The following CDH4 variants were observed in gnomAD, a reference collection of about 807,000 sequenced individuals.
CDH4 encodes the protein cadherin-4.
A neutral mutation model predicts 86.0 loss-of-function variants in CDH4; 33 were observed. The ratio of observed to expected loss-of-function variants is 0.38; its 90% CI spans 0.29 to 0.51. The LOEUF is 0.51. Among genes scored for constraint, CDH4 ranks in the 20% least tolerant of loss-of-function variants. The pLI is 0.86. For synonymous variants in CDH4, 555 were observed against 549.4 expected, an observed-to-expected ratio of 1.01 and a Z score of -0.14; for missense variants, 1,114 against 1,307.4, an observed-to-expected ratio of 0.85 and a Z score of 2.28.
intron 2 of CDH4, among the ~76,000 whole-genome samples, chr20:61,272,041 A>C (rs530398162): frequency 3.9e-5 from 6 of 152,248 alleles, no homozygotes; most frequent in Non-Finnish European, 8.8e-5. Flanking sequence ...TCCTTCTTTC[A>C]CTTAAAATTG....
In CDH4 at chr20:61,315,116, C is replaced by T. The variant is rs150083958; in HGVS notation, c.169+60179C>T. Among the ~76,000 whole-genome samples, 822 of 152,286 alleles carry T rather than the reference C, an allele frequency of 5.4e-3. 6 individuals are homozygous for T. The highest frequency in any genetic ancestry group is 0.019 in the African/African-American group (788 of 41,570). ...GAAGCTCCATGCCAGACTCCTCCTC[C>T]TTGGGCTCAGGTGCATAGGGGCTCA... On this transcript the variant is annotated intron_variant, in intron 2 of 15. Coordinates refer to ENST00000614565, the MANE Select transcript of CDH4 (RefSeq NM_001794.5).
chr20:61,803,950 G>A (rs1045766271), intron 4 of CDH4, among the ~76,000 whole-genome samples: 4 of 152,262 alleles, frequency 2.6e-5, no homozygotes, highest in African/African-American at 9.6e-5. Flanking sequence ...GACGGCGGAG[G>A]TAATGGAAGC....
chr20:61,718,704 C>G (rs1321861045), intron 2 of CDH4: 1 of 427,768 alleles, frequency 2.3e-6, no homozygotes, highest in Non-Finnish European at 4.9e-6. Flanking sequence ...TGTGAATTAG[C>G]TTACTCAACT....
At chr20:61,768,924 C>T (rs1255909734) in intron 3 of CDH4, among the ~76,000 whole-genome samples, 1 of 152,164 alleles carries the variant, frequency 6.6e-6, no homozygotes, top group African/African-American at 2.4e-5. Flanking sequence ...TGTATGGAAA[C>T]CCTTTAAAAC....
At chr20:61,331,525 TG>T (rs1239484481) in intron 2 of CDH4, among the ~76,000 whole-genome samples, 1 of 94,420 alleles carries the variant, frequency 1.1e-5, no homozygotes, top group Non-Finnish European at 2.2e-5. Context: ...TCCTCTGATC[TG>T]CCCACAGCTG....
intron 6 of CDH4, among the ~76,000 whole-genome samples, chr20:61,855,475 G>A (rs1982957472): frequency 6.6e-6 from 1 of 152,162 alleles, no homozygotes; most frequent in Non-Finnish European, 1.5e-5. Context: ...CCCTCGCAAG[G>A]GTGCAGATGT....
chr20:61,700,409 C>T (rs545740604), intron 2 of CDH4, among the ~76,000 whole-genome samples: 4 of 152,334 alleles, frequency 2.6e-5, no homozygotes, highest in Admixed American at 6.5e-5. Flanking sequence ...ATATTAGACT[C>T]TTGGGGTCAG....
intron 4 of CDH4, among the ~76,000 whole-genome samples, chr20:61,842,615 A>C (rs1449975497): frequency 1.3e-5 from 2 of 152,196 alleles, no homozygotes; most frequent in Non-Finnish European, 2.9e-5. Context: ...AGAGAAGAAA[A>C]CGCTTTAAAA....
intron 2 of CDH4, among the ~76,000 whole-genome samples, chr20:61,401,149 A>C (rs1600942950): frequency 6.6e-6 from 1 of 152,192 alleles, no homozygotes; most frequent in East Asian, 1.9e-4. Flanking sequence ...TGAAGTGACA[A>C]CCTTTAGGAG....
chr20:61,452,009 A>G (rs2085383538), intron 2 of CDH4, among the ~76,000 whole-genome samples: 1 of 152,226 alleles, frequency 6.6e-6, no homozygotes, highest in Non-Finnish European at 1.5e-5. Context: ...CCACCCCTTC[A>G]GTGTCCTTCA....
chr20:61,780,554 A>G (rs976249275), intron 4 of CDH4, among the ~76,000 whole-genome samples: 2 of 152,212 alleles, frequency 1.3e-5, no homozygotes, highest in South Asian at 2.1e-4. Context: ...TCAGCCCTTC[A>G]TGGTCATTAG....
intron 2 of CDH4, among the ~76,000 whole-genome samples, chr20:61,255,862 T>G (rs2084095383): frequency 6.6e-6 from 1 of 152,218 alleles, no homozygotes; most frequent in African/African-American, 2.4e-5. Context: ...ATCCTCGCCC[T>G]TCAAGACAGA....
At chr20:61,867,106 C>T (rs1457881049) in intron 6 of CDH4, among the ~76,000 whole-genome samples, 1 of 152,266 alleles carries the variant, frequency 6.6e-6, no homozygotes, top group African/African-American at 2.4e-5. Flanking sequence ...CCCACACACA[C>T]ACAGCTGTTT....
chr20:61,273,496 ACG>A (rs1568776262), intron 2 of CDH4, among the ~76,000 whole-genome samples: 20 of 32,354 alleles, frequency 6.2e-4, no homozygotes, highest in East Asian at 2.2e-3. Context: ...GGGGAGTACC[ACG>A]TGCAGTTTGG....
intron 3 of CDH4, among the ~76,000 whole-genome samples, chr20:61,771,409 A>G (rs1472615584): frequency 6.6e-6 from 1 of 151,704 alleles, no homozygotes; most frequent in Non-Finnish European, 1.5e-5. Context: ...GGATTACCGG[A>G]GGTCGGGAGT....
intron 2 of CDH4, among the ~76,000 whole-genome samples, chr20:61,715,504 C>T (rs950367941): frequency 1.3e-5 from 2 of 152,196 alleles, no homozygotes; most frequent in Non-Finnish European, 2.9e-5. Flanking sequence ...AACAAAGCCA[C>T]TCCTTCCATA....
intron 2 of CDH4, among the ~76,000 whole-genome samples, chr20:61,413,285 C>T (rs1468236010): frequency 6.6e-6 from 1 of 150,964 alleles, no homozygotes. Context: ...GGTTGTGTTT[C>T]TCTTTGTACC....
chr20:61,897,894 C>T (rs1985204951), intron 8 of CDH4, among the ~76,000 whole-genome samples: 1 of 152,348 alleles, frequency 6.6e-6, no homozygotes, highest in South Asian at 2.1e-4. Context: ...CGGCACCTCC[C>T]AGTCTAACAC....
chr20:61,690,534 C>T (rs967356314), intron 2 of CDH4, among the ~76,000 whole-genome samples: 4 of 152,134 alleles, frequency 2.6e-5, no homozygotes, highest in Non-Finnish European at 5.9e-5. Context: ...TTAGTGTCCC[C>T]GCCCAAGCAT....
Sources: allele counts gnomAD v4.1 joint callset (sites outside exome capture counted in the v4.1 genomes callset), GRCh38; gene constraint gnomAD v4.1.1; transcripts MANE v1.5; gene names NCBI Gene and HGNC (gene_info 2026-07-23, HGNC 2026-07-21).